Variants in EEFSEC observed in about 807,000 individuals in gnomAD.
EEFSEC encodes the protein eukaryotic elongation factor, selenocysteine-tRNA specific.
EEFSEC carries 43 observed loss-of-function variants against 42.1 expected under a neutral mutation model. The ratio of observed to expected loss-of-function variants is 1.02; its 90% CI spans 0.80 to 1.32. The LOEUF (loss-of-function observed/expected upper bound fraction) is 1.32. Among genes scored for constraint, EEFSEC ranks in the 40% most tolerant of loss-of-function variants. EEFSEC has a pLI of 0.00. For synonymous variants in EEFSEC, 354 were observed against 339.1 expected (o/e 1.04, Z -0.48); for missense variants, 745 against 803.6 (o/e 0.93, Z 0.88).
chr3:128,208,064 C>T (rs978555759), intron 1 of EEFSEC, among the ~76,000 whole-genome samples: 10 of 152,070 alleles, frequency 6.6e-5, no homozygotes, highest in Admixed American at 2.6e-4. Flanking sequence ...TTTTCTGTCC[C>T]GGGAGTCTGG....
At chr3:128,416,968 G>C in the EEFSEC span, among the ~76,000 whole-genome samples, 1 of 152,072 alleles carries the variant, frequency 6.6e-6, no homozygotes, top group African/African-American at 2.4e-5. Flanking sequence ...CTCAGAGAGC[G>C]ATCGTGGTGG....
chr3:128,308,930 G>C (rs2066860871), intron 4 of EEFSEC, among the ~76,000 whole-genome samples: 1 of 152,248 alleles, frequency 6.6e-6, no homozygotes, highest in Non-Finnish European at 1.5e-5. Flanking sequence ...CTGCTAAAGA[G>C]AGTCCGTGAG....
chr3:128,288,872 C>T (rs2066613683), intron 4 of EEFSEC, among the ~76,000 whole-genome samples: 1 of 152,172 alleles, frequency 6.6e-6, no homozygotes, highest in Admixed American at 6.6e-5. Flanking sequence ...AAGGCATTTC[C>T]TATTTGAAAA....
intron 5 of EEFSEC, among the ~76,000 whole-genome samples, chr3:128,353,468 C>T (rs1388071045): frequency 6.6e-6 from 1 of 152,206 alleles, no homozygotes; most frequent in Non-Finnish European, 1.5e-5. Context: ...CTCTCCTCCT[C>T]CCTTCCAAAT....
intron 4 of EEFSEC, among the ~76,000 whole-genome samples, chr3:128,313,795 C>G (rs1290469879): frequency 6.6e-6 from 1 of 152,228 alleles, no homozygotes; most frequent in African/African-American, 2.4e-5. Context: ...AAAGGTAATA[C>G]TGGCAGATGG....
the EEFSEC span, among the ~76,000 whole-genome samples, chr3:128,417,556 C>T: frequency 3.9e-5 from 6 of 152,270 alleles, no homozygotes; most frequent in South Asian, 4.1e-4. The surrounding 1 kb of genome is among the most constrained non-coding windows in gnomAD (Gnocchi z 4.3). Context: ...CTGTCGACCT[C>T]ATTTACTGCC....
chr3:128,281,464 T>C (rs775121082), intron 4 of EEFSEC, among the ~76,000 whole-genome samples: 3 of 152,194 alleles, frequency 2.0e-5, no homozygotes, highest in Non-Finnish European at 2.9e-5. Context: ...AACTTGACTT[T>C]GTATGCAGAG....
At chr3:128,179,014 G>T (rs140893606) in intron 1 of EEFSEC, among the ~76,000 whole-genome samples, 1 of 152,208 alleles carries the variant, frequency 6.6e-6, no homozygotes, top group Admixed American at 6.5e-5. Context: ...TACTGTGATT[G>T]TAGGGAGTAA....
At chr3:128,397,718 C>T (rs752098598) in intron 6 of EEFSEC, among the ~76,000 whole-genome samples, 3 of 152,276 alleles carry the variant, frequency 2.0e-5, no homozygotes, top group African/African-American at 4.8e-5. Flanking sequence ...AGCTCTGGCC[C>T]AGCTGGCCTC....
chr3:128,175,009 A>G (rs916378662), intron 1 of EEFSEC, among the ~76,000 whole-genome samples: 2 of 152,170 alleles, frequency 1.3e-5, no homozygotes, highest in African/African-American at 2.4e-5. Context: ...TGGCTATTCA[A>G]TAGGATGCAG....
intron 4 of EEFSEC, among the ~76,000 whole-genome samples, chr3:128,290,740 T>G (rs2107983868): frequency 6.6e-6 from 1 of 151,964 alleles, no homozygotes; most frequent in East Asian, 1.9e-4. Context: ...TTTTTTGGGG[T>G]TGTTTTGTTT....
At chr3:128,224,563 A>C (rs1364825817) in intron 1 of EEFSEC, among the ~76,000 whole-genome samples, 1 of 152,222 alleles carries the variant, frequency 6.6e-6, no homozygotes, top group Non-Finnish European at 1.5e-5. Context: ...CCCATCAGGC[A>C]GACTGAACAG....
At chr3:128,342,045 T>C (rs1214976133) in intron 5 of EEFSEC, among the ~76,000 whole-genome samples, 156 bp downstream of exon 5, 1 of 152,230 alleles carries the variant, frequency 6.6e-6, no homozygotes, top group Non-Finnish European at 1.5e-5. Context: ...ATGCCCAGAA[T>C]GGTCAGGTGG....
chr3:128,364,938 A>G (rs1261000114), intron 6 of EEFSEC, among the ~76,000 whole-genome samples: 4 of 152,190 alleles, frequency 2.6e-5, no homozygotes, highest in Non-Finnish European at 5.9e-5. Flanking sequence ...CCCCAGGGAG[A>G]TCGAGCAGAG....
intron 4 of EEFSEC, among the ~76,000 whole-genome samples, chr3:128,283,454 C>T (rs981129129): frequency 6.6e-6 from 1 of 152,200 alleles, no homozygotes; most frequent in Non-Finnish European, 1.5e-5. Flanking sequence ...AGTACTGTCT[C>T]CTTCCATGCA....
At chr3:128,412,285 G>A (rs2068179392), downstream of EEFSEC, among the ~76,000 whole-genome samples, 1 of 152,248 alleles carries the variant, frequency 6.6e-6, no homozygotes, top group Non-Finnish European at 1.5e-5. Flanking sequence ...TGTCTGGGGA[G>A]TGCAGGAGCC....
At chr3:128,388,320 C>A (rs1223941591) in intron 6 of EEFSEC, among the ~76,000 whole-genome samples, 3 of 152,222 alleles carry the variant, frequency 2.0e-5, no homozygotes, top group African/African-American at 7.2e-5. Context: ...CATGCCAAGT[C>A]CCCCTCCAGT....
chr3:128,266,761 G>T (rs1453015060), intron 4 of EEFSEC, among the ~76,000 whole-genome samples: 1 of 151,862 alleles, frequency 6.6e-6, no homozygotes, highest in Non-Finnish European at 1.5e-5. Flanking sequence ...AAGACCATTG[G>T]TCCCAGAAAA....
intron 6 of EEFSEC, among the ~76,000 whole-genome samples, chr3:128,371,845 G>A (rs2067657650): frequency 6.6e-6 from 1 of 152,180 alleles, no homozygotes; most frequent in Non-Finnish European, 1.5e-5. Flanking sequence ...GTCCTGCAGG[G>A]GCCGGGGCCC....
Sources: gnomAD v4.1 joint callset for allele counts (sites outside exome capture counted in the v4.1 genomes callset) on GRCh38, gnomAD v4.1.1 for gene constraint, Gnocchi (gnomAD v3.1) non-coding constraint, MANE v1.5 for transcripts, NCBI Gene and HGNC (gene_info 2026-07-23, HGNC 2026-07-21) for gene names.